PTPRK: variants seen among roughly 807,000 people sequenced by gnomAD.
PTPRK encodes the protein receptor-type tyrosine-protein phosphatase kappa.
A neutral mutation model predicts 178.0 loss-of-function variants in PTPRK; 75 were observed. The observed-to-expected ratio is 0.42, with a 90% CI of 0.35 to 0.51. The LOEUF (loss-of-function observed/expected upper bound fraction) is 0.51. Ranked by LOEUF, PTPRK falls within the 20% of genes least tolerant of loss-of-function variation. The pLI, the probability that PTPRK is intolerant of heterozygous loss-of-function variation, is 0.02. For synonymous variants in PTPRK, 637 were observed against 620.6 expected, an observed-to-expected ratio of 1.03 and a Z score of -0.39; for missense variants, 1,441 against 1,797.8, an observed-to-expected ratio of 0.80 and a Z score of 3.59.
chr6:128,267,899 G>A (rs1380287089), intron 3 of PTPRK, among the ~76,000 whole-genome samples: 1 of 152,042 alleles, frequency 6.6e-6, no homozygotes, highest in Admixed American at 6.6e-5. Flanking sequence ...AAGACTTCAA[G>A]ATATATCTCT....
At chr6:128,181,394 T>G (rs1221562827) in intron 7 of PTPRK, among the ~76,000 whole-genome samples, 1 of 152,088 alleles carries the variant, frequency 6.6e-6, no homozygotes, top group African/African-American at 2.4e-5. Context: ...AATAGCTACT[T>G]TAAAATTATC....
At chr6:128,465,260 T>G (rs1849695043) in intron 1 of PTPRK, among the ~76,000 whole-genome samples, 1 of 152,040 alleles carries the variant, frequency 6.6e-6, no homozygotes, top group Non-Finnish European at 1.5e-5. Context: ...GAGTTTTAAT[T>G]AAACAAGTTG....
chr6:128,152,438 C>T lies in PTPRK; in HGVS notation c.1162+31994G>A, dbSNP rs149864392. ...AAAACGAGGGATATCAGGGGAGAGG[C>T]ACCCTAGCTGGAGTGAGTACACTGG... On this transcript the variant is annotated intron_variant, in intron 7 of 29. Transcript: ENST00000368226. 2.0e-5 allele frequency among the ~76,000 whole-genome samples: 3 copies of T among 151,846 alleles called. No homozygotes were observed. The East Asian group carries it at 5.9e-4, about 30-fold the overall frequency.
At chr6:128,014,808 A>G (rs965433529) in intron 13 of PTPRK, among the ~76,000 whole-genome samples, 1 of 151,646 alleles carries the variant, frequency 6.6e-6, no homozygotes, top group African/African-American at 2.4e-5. Context: ...ATTTAACTCA[A>G]TGATCTTTTG....
intron 1 of PTPRK, among the ~76,000 whole-genome samples, chr6:128,406,178 G>C (rs1010358321): frequency 6.6e-6 from 1 of 151,940 alleles, no homozygotes; most frequent in South Asian, 2.1e-4. Context: ...ACTTGAGCCT[G>C]GGAGGTCAAG....
At chr6:128,384,418 T>C (rs936900582) in intron 2 of PTPRK, among the ~76,000 whole-genome samples, 8 of 152,120 alleles carry the variant, frequency 5.3e-5, no homozygotes, top group Non-Finnish European at 1.2e-4. Flanking sequence ...TTTTTACTTA[T>C]GACTCAAAAA....
chr6:128,047,006 C>T (rs747238126), intron 13 of PTPRK, among the ~76,000 whole-genome samples: 3 of 152,166 alleles, frequency 2.0e-5, no homozygotes, highest in South Asian at 2.1e-4. Context: ...TTGACAAAGG[C>T]AGCATCAGAC....
chr6:128,326,857 A>G (rs566402094), intron 2 of PTPRK, among the ~76,000 whole-genome samples: 4 of 152,304 alleles, frequency 2.6e-5, no homozygotes, highest in Admixed American at 6.5e-5. Flanking sequence ...CAGAGACTAC[A>G]TGAATACTAT....
chr6:128,281,184 A>G (rs992945441), intron 3 of PTPRK, among the ~76,000 whole-genome samples: 1 of 152,188 alleles, frequency 6.6e-6, no homozygotes, highest in African/African-American at 2.4e-5. Flanking sequence ...CAGGTCAGGA[A>G]TCAAAGGGCA....
chr6:128,254,170 C>T (rs1456916638), intron 3 of PTPRK, among the ~76,000 whole-genome samples: 1 of 152,076 alleles, frequency 6.6e-6, no homozygotes, highest in East Asian at 1.9e-4. Context: ...GTAAGAGTAA[C>T]TAGTTTGTGT....
Position 128,009,346 on chromosome 6 carries a change from C to T in PTPRK, c.2195-78G>A, listed in dbSNP as rs1023843207. On this transcript the variant is annotated intron_variant, in intron 13 of 29. Coordinates refer to ENST00000368226, the MANE Select transcript of PTPRK (RefSeq NM_002844.4). ...AAAAAATTATTCCCAGTAATTACCT[C>T]CAAGAAACACAACTTGTTTATTGTA... The T allele has an allele frequency of 6.1e-6, 8 of 1,322,058 alleles. No individual in the cohort carries two copies. In the African/African-American group the frequency reaches 8.9e-5, roughly 15 times the overall value. 81.9% of individuals were successfully genotyped at this position (1,322,058 alleles called of 1,614,324 possible).
chr6:128,076,094 A>G (rs1047128464), intron 11 of PTPRK, among the ~76,000 whole-genome samples: 3 of 151,982 alleles, frequency 2.0e-5, no homozygotes, highest in African/African-American at 4.8e-5. Context: ...ACAGACTGAC[A>G]TAAACAAAGA....
intron 6 of PTPRK, among the ~76,000 whole-genome samples, chr6:128,189,832 C>T (rs1468231517): frequency 2.0e-5 from 3 of 152,044 alleles, no homozygotes; most frequent in Non-Finnish European, 4.4e-5. Flanking sequence ...CCATCACCTA[C>T]TAGAAGTGCA....
At chr6:128,039,212 T>C (rs1217947088) in intron 13 of PTPRK, among the ~76,000 whole-genome samples, 1 of 152,148 alleles carries the variant, frequency 6.6e-6, no homozygotes, top group African/African-American at 2.4e-5. Flanking sequence ...GTCATCAGTA[T>C]AGGAAGGATT....
In PTPRK at chr6:128,402,245, G is replaced by A. The variant is rs9388635; in HGVS notation, c.101-4557C>T. The stretch of plus-strand genomic sequence containing the variant: ...CAGAAGTATAGAAATTAATGGTTTT[G>A]TTTGTTTGTTTTTGTTTTTGTTTTT... On this transcript the variant is annotated intron_variant, in intron 1 of 29. Coordinates refer to ENST00000368226, the MANE Select transcript of PTPRK (RefSeq NM_002844.4). Among the ~76,000 whole-genome samples, 56 of 6,894 alleles carry A rather than the reference G, an allele frequency of 8.1e-3. 1 individual carries two copies. Among genetic ancestry groups the A allele is most frequent in the African/African-American group, 0.012 (43 of 3,460 alleles). The allele number at this position is 6,894 out of a possible 152,430, so 4.5% of individuals were successfully genotyped here. A position where few individuals can be genotyped will look rare whatever the true frequency, so the allele number is the denominator to read the frequency against.
chr6:128,352,466 A>G (rs1833323637), intron 2 of PTPRK, among the ~76,000 whole-genome samples: 1 of 152,074 alleles, frequency 6.6e-6, no homozygotes, highest in South Asian at 2.1e-4. Flanking sequence ...CCTTGGCCCT[A>G]GTATAAAGAT....
chr6:128,329,764 A>T (rs774188147), intron 2 of PTPRK, among the ~76,000 whole-genome samples: 1 of 151,488 alleles, frequency 6.6e-6, no homozygotes, highest in South Asian at 2.1e-4. Flanking sequence ...TCAAATGTTA[A>T]TCACATCCAG....
intron 7 of PTPRK, among the ~76,000 whole-genome samples, chr6:128,140,548 G>A (rs1380912131): frequency 6.6e-6 from 1 of 151,894 alleles, no homozygotes; most frequent in Non-Finnish European, 1.5e-5. Flanking sequence ...CTACTGATCT[G>A]TACGTAGGTA....
chr6:128,518,952 T>G (rs1858510572), intron 1 of PTPRK: 3 of 469,440 alleles, frequency 6.4e-6, no homozygotes, highest in Non-Finnish European at 1.3e-5. Context: ...TTGAGTTTAT[T>G]TCCAGGAAAC....
Sources: gnomAD v4.1 joint callset for allele counts (sites outside exome capture counted in the v4.1 genomes callset) on GRCh38, gnomAD v4.1.1 for gene constraint, MANE v1.5 for transcripts, NCBI Gene and HGNC (gene_info 2026-07-23, HGNC 2026-07-21) for gene names.